The following FOXN3 variants were observed in gnomAD, a reference collection of about 807,000 sequenced individuals.
FOXN3 encodes the protein forkhead box N3.
FOXN3 carries 7 observed loss-of-function variants against 38.4 expected under a neutral mutation model. The ratio of observed to expected loss-of-function variants is 0.18; its 90% CI spans 0.10 to 0.34. The LOEUF is 0.34. Ranked by LOEUF, FOXN3 falls within the 10% of genes least tolerant of loss-of-function variation. The pLI is 1.00. For synonymous variants in FOXN3, 230 were observed against 242.2 expected (o/e 0.95, Z 0.47); for missense variants, 456 against 613.4 (o/e 0.74, Z 2.71).
intron 3 of FOXN3, chr14:89,291,394 A>C: frequency 1.7e-5 from 10 of 598,458 alleles, no homozygotes; most frequent in Non-Finnish European, 2.0e-5. Context: ...TGTCACCAGC[A>C]AGGATGCTAC....
At chr14:89,596,114 T>G (rs1288267745) in intron 1 of FOXN3, among the ~76,000 whole-genome samples, 2 of 152,126 alleles carry the variant, frequency 1.3e-5, no homozygotes, top group Non-Finnish European at 2.9e-5. Flanking sequence ...GTTTAGAATT[T>G]TATTTATTTA....
chr14:89,215,300 C>G (rs886412856), intron 4 of FOXN3, among the ~76,000 whole-genome samples: 1 of 151,670 alleles, frequency 6.6e-6, no homozygotes, highest in Non-Finnish European at 1.5e-5. Flanking sequence ...CTCCTCCTTC[C>G]TCAAATATCT....
rs146912007 is a variant in FOXN3 at position 89,560,360 on chromosome 14, T to C, written c.-15+58668A>G. Among the ~76,000 whole-genome samples, 173 of 152,242 alleles carry C rather than the reference T, an allele frequency of 1.1e-3. 1 individual carries two copies. Among genetic ancestry groups the C allele is most frequent in the East Asian group, 3.9e-4 (2 of 5,186 alleles). ...CAAGGGACTGGCCAGGCTGCGGCCA[T>C]GTACAGCCCCTGGATACAGGGATGG... On this transcript the variant is annotated intron_variant, in intron 1 of 6. Transcript: ENST00000345097.
chr14:89,297,128 C>CA (rs35385746), intron 3 of FOXN3, among the ~76,000 whole-genome samples: 40,905 of 151,960 alleles, frequency 0.27, 5,572 homozygotes, highest in Admixed American at 0.35. Context: ...GTAAAACTAA[C>CA]AAGAGGAAAG....
chr14:89,549,806 G>C (rs1013163538), intron 1 of FOXN3, among the ~76,000 whole-genome samples: 2 of 152,184 alleles, frequency 1.3e-5, no homozygotes, highest in Admixed American at 6.5e-5. Flanking sequence ...CCTGCCCTTT[G>C]ATCTGGATGG....
At chr14:89,400,616 A>T (rs993240252) in intron 2 of FOXN3, among the ~76,000 whole-genome samples, 1 of 152,082 alleles carries the variant, frequency 6.6e-6, no homozygotes, top group Non-Finnish European at 1.5e-5. Context: ...AGCCCCAGAG[A>T]GGTAGATCCC....
At chr14:89,535,853 C>A (rs1157925432) in intron 1 of FOXN3, among the ~76,000 whole-genome samples, 1 of 152,152 alleles carries the variant, frequency 6.6e-6, no homozygotes, top group Non-Finnish European at 1.5e-5. Flanking sequence ...GTCAGAGTCA[C>A]AATTGATTTT....
At chr14:89,425,968 G>T (rs1019669822) in intron 1 of FOXN3, among the ~76,000 whole-genome samples, 1 of 151,932 alleles carries the variant, frequency 6.6e-6, no homozygotes, top group African/African-American at 2.4e-5. Flanking sequence ...TATCCATAAG[G>T]CATACCACAG....
intron 1 of FOXN3, among the ~76,000 whole-genome samples, chr14:89,413,372 G>A (rs760155783): frequency 2.6e-4 from 40 of 152,176 alleles, no homozygotes; most frequent in African/African-American, 9.2e-4. Context: ...GGTGGCTCAC[G>A]CCTATAATCT....
At chr14:89,519,473 A>G (rs1894276634) in intron 1 of FOXN3, among the ~76,000 whole-genome samples, 1 of 152,216 alleles carries the variant, frequency 6.6e-6, no homozygotes, top group African/African-American at 2.4e-5. Context: ...CAGTTCATGG[A>G]GAGCCACTGG....
intron 1 of FOXN3, among the ~76,000 whole-genome samples, chr14:89,540,847 T>G (rs1019119668): frequency 3.3e-5 from 5 of 152,154 alleles, no homozygotes; most frequent in Admixed American, 2.6e-4. Flanking sequence ...CTATATGGAA[T>G]GTTCCTTGAT....
intron 1 of FOXN3, among the ~76,000 whole-genome samples, chr14:89,493,457 G>A (rs1191806364): frequency 6.6e-6 from 1 of 152,102 alleles, no homozygotes; most frequent in Non-Finnish European, 1.5e-5. Context: ...CACTTACAAA[G>A]TCTATCATCT....
At chr14:89,304,878 CAT>C (rs1470862774) in intron 3 of FOXN3, among the ~76,000 whole-genome samples, 1 of 146,370 alleles carries the variant, frequency 6.8e-6, no homozygotes, top group Non-Finnish European at 1.5e-5. Context: ...CCTTTAAAAA[CAT>C]ATACCCAGAG....
intron 3 of FOXN3, chr14:89,290,883 TC>T: frequency 3.5e-6 from 1 of 287,858 alleles, no homozygotes; most frequent in South Asian, 3.4e-5. Context: ...GTCTTCATTC[TC>T]AAAAAGTGGA....
At chr14:89,519,383 GT>G (rs1894275184) in intron 1 of FOXN3, among the ~76,000 whole-genome samples, 1 of 152,118 alleles carries the variant, frequency 6.6e-6, no homozygotes, top group African/African-American at 2.4e-5. Flanking sequence ...GAAAAAAAGG[GT>G]TGTGAAAAAG....
chr14:89,447,578 CGAG>C (rs1279203832), intron 1 of FOXN3, among the ~76,000 whole-genome samples: 4 of 152,028 alleles, frequency 2.6e-5, no homozygotes, highest in Non-Finnish European at 5.9e-5. Flanking sequence ...AATATTGCCA[CGAG>C]GAGAAGTACC....
At chr14:89,330,376 C>G (rs1477154939) in intron 3 of FOXN3, among the ~76,000 whole-genome samples, 1 of 152,200 alleles carries the variant, frequency 6.6e-6, no homozygotes, top group African/African-American at 2.4e-5. Flanking sequence ...ACAGACATCC[C>G]GCTTCTGCTA....
chr14:89,566,364 G>C (rs1159503203), intron 1 of FOXN3, among the ~76,000 whole-genome samples: 1 of 152,108 alleles, frequency 6.6e-6, no homozygotes, highest in African/African-American at 2.4e-5. Context: ...CTCACGCTGG[G>C]TAGAAATTTA....
chr14:89,424,543 G>A (rs926097910), intron 1 of FOXN3, among the ~76,000 whole-genome samples: 1 of 152,034 alleles, frequency 6.6e-6, no homozygotes, highest in Non-Finnish European at 1.5e-5. Context: ...CTCTTACGCA[G>A]GTTCCAAGAT....
Sources: allele counts gnomAD v4.1 joint callset (sites outside exome capture counted in the v4.1 genomes callset), GRCh38; gene constraint gnomAD v4.1.1; transcripts MANE v1.5; gene names NCBI Gene and HGNC (gene_info 2026-07-23, HGNC 2026-07-21).